HOOK3: variants seen among roughly 807,000 people sequenced by gnomAD.
HOOK3 encodes the protein protein Hook homolog 3.
A neutral mutation model predicts 116.3 loss-of-function variants in HOOK3; 24 were observed. The ratio of observed to expected loss-of-function variants is 0.21; its 90% CI spans 0.15 to 0.29. HOOK3 has a LOEUF of 0.29. HOOK3 is among the 10% of genes least tolerant of loss of function. The pLI, the probability that HOOK3 is intolerant of heterozygous loss-of-function variation, is 1.00. For missense variants in HOOK3, 632 were observed against 830.2 expected, an observed-to-expected ratio of 0.76 and a Z score of 2.93; for synonymous variants, 275 against 283.0, an observed-to-expected ratio of 0.97 and a Z score of 0.28.
chr8:42,940,147 G>A (rs1291596116), intron 4 of HOOK3, among the ~76,000 whole-genome samples: 1 of 152,258 alleles, frequency 6.6e-6, no homozygotes, highest in Non-Finnish European at 1.5e-5. Flanking sequence ...GGAGGTGGAG[G>A]CTGCAGCGAG....
At chr8:42,969,703 T>C (rs1343413826) in intron 11 of HOOK3, among the ~76,000 whole-genome samples, 1 of 152,212 alleles carries the variant, frequency 6.6e-6, no homozygotes, top group East Asian at 1.9e-4. Context: ...GGGTATAAAA[T>C]GGTGTCTCCT....
chr8:42,967,948 A>C, intron 10 of HOOK3, 65 bp from the exon 11 acceptor site: 1 of 896,728 alleles, frequency 1.1e-6, no homozygotes, highest in Non-Finnish European at 1.8e-6. Flanking sequence ...ATCCTTCTTA[A>C]CACTGAAACA....
chr8:43,007,015 G>GTTTT (rs1809504346), intron 17 of HOOK3, among the ~76,000 whole-genome samples: 1 of 124,612 alleles, frequency 8.0e-6, no homozygotes, highest in African/African-American at 3.2e-5. Flanking sequence ...TAAGTTCCTA[G>GTTTT]ATTTTTTTTT....
chr8:42,919,032 T>G (rs1586590466), intron 2 of HOOK3, among the ~76,000 whole-genome samples: 1 of 133,742 alleles, frequency 7.5e-6, no homozygotes, highest in Non-Finnish European at 1.6e-5. Flanking sequence ...ATGGGGTGGC[T>G]GGCCGGGCGG....
chr8:42,960,509 A>G (rs1808515646), intron 8 of HOOK3, among the ~76,000 whole-genome samples: 1 of 152,236 alleles, frequency 6.6e-6, no homozygotes, highest in African/African-American at 2.4e-5. Context: ...GAATTCCTAC[A>G]GAGAAACACT....
At chr8:42,961,195 T>G (rs778254189) in intron 8 of HOOK3, among the ~76,000 whole-genome samples, 4 of 152,166 alleles carry the variant, frequency 2.6e-5, no homozygotes, top group Non-Finnish European at 4.4e-5. Context: ...CCTCCAACAT[T>G]TGGGACTACA....
chr8:42,963,216 G>A (rs1412363943), intron 8 of HOOK3, among the ~76,000 whole-genome samples: 2 of 152,072 alleles, frequency 1.3e-5, no homozygotes, highest in Admixed American at 6.6e-5. Flanking sequence ...TATGAAATTC[G>A]GGATATTTTT....
Position 42,966,633 on chromosome 8 carries a change from C to G in HOOK3, c.920+20C>G. ...GCTGAGGTAAAAACCTCACCTTCAC[C>G]GCCCAGCACAGTTTGGCTCTGGTGT... On this transcript the variant is annotated intron_variant, in intron 10 of 21. Transcript: ENST00000307602. 6.2e-6 allele frequency: 10 copies of G among 1,611,024 alleles called. No individual in the cohort carries two copies. The highest frequency in any genetic ancestry group is 8.5e-6 in the Non-Finnish European group (10 of 1,177,702).
At chr8:42,997,301 G>A (rs41411348) in intron 15 of HOOK3, among the ~76,000 whole-genome samples, 5,107 of 152,212 alleles carry the variant, frequency 0.034, 291 homozygotes, top group African/African-American at 0.12. Flanking sequence ...ATATGCATAA[G>A]TACATTGGTT....
intron 2 of HOOK3, among the ~76,000 whole-genome samples, chr8:42,916,312 T>G (rs1807532671): frequency 6.6e-6 from 1 of 152,246 alleles, no homozygotes; most frequent in African/African-American, 2.4e-5. Flanking sequence ...TTTTTTTGGC[T>G]TTTTGTTTTC....
intron 13 of HOOK3, among the ~76,000 whole-genome samples, chr8:42,977,457 G>A (rs953605816): frequency 1.1e-4 from 17 of 152,114 alleles, no homozygotes; most frequent in Non-Finnish European, 2.2e-4. Context: ...ATTTAGGTGG[G>A]CTGATGATTC....
At chr8:42,997,169 A>G (rs1181276471) in intron 15 of HOOK3, among the ~76,000 whole-genome samples, 2 of 152,168 alleles carry the variant, frequency 1.3e-5, no homozygotes, top group Non-Finnish European at 2.9e-5. Flanking sequence ...TGGCCTCCCA[A>G]AGTGCTGGCA....
At chr8:42,939,063 CAGA>C (rs1194500358) in intron 4 of HOOK3, among the ~76,000 whole-genome samples, 1 of 152,190 alleles carries the variant, frequency 6.6e-6, no homozygotes, top group East Asian at 1.9e-4. Flanking sequence ...GATCCCAAGG[CAGA>C]AGAATTTTTC....
intron 15 of HOOK3, among the ~76,000 whole-genome samples, chr8:42,988,837 T>A (rs1318110207): frequency 6.6e-6 from 1 of 152,214 alleles, no homozygotes; most frequent in Admixed American, 6.5e-5. Context: ...CAATATTTAT[T>A]CCTTTTCCTG....
chr8:42,959,718 GAA>G (rs529721762), intron 8 of HOOK3, among the ~76,000 whole-genome samples: 1,381 of 28,730 alleles, frequency 0.048, 3 homozygotes, highest in Middle Eastern at 0.075. Flanking sequence ...GACTACATCT[GAA>G]AAAAAAAAAA....
In HOOK3 at chr8:43,025,943, A is replaced by G. The variant is rs1809926442; in HGVS notation, c.*7445A>G. ...AAATCAGAGGTGTCCACGGCCTCAA[A>G]GTTTGGGCCCATGGGACTATCAAAT... On this transcript the variant is annotated 3_prime_UTR_variant, in exon 22 of 22. Coordinates refer to ENST00000307602, the MANE Select transcript of HOOK3 (RefSeq NM_032410.4). 9.6e-6 allele frequency: 2 copies of G among 208,546 alleles called. No homozygotes were observed. Among genetic ancestry groups the G allele is most frequent in the East Asian group, 1.5e-4 (2 of 13,722 alleles). 12.9% of individuals were successfully genotyped at this position (208,546 alleles called of 1,614,324 possible).
Position 43,018,521 on chromosome 8 carries a change from A to T in HOOK3, c.*23A>T. 6.3e-7 allele frequency: 1 copy of T among 1,595,646 alleles called. No individual in the cohort carries two copies. The highest frequency in any genetic ancestry group is 8.5e-7 in the Non-Finnish European group (1 of 1,173,074). ...TAGAGAAGTTGTGCCGCTCAATCAC[A>T]GACACCTGCACCCACAACATACTTC... On this transcript the variant is annotated 3_prime_UTR_variant, in exon 22 of 22. Transcript: ENST00000307602.
chr8:42,945,023 C>A (rs1005204748), intron 5 of HOOK3, among the ~76,000 whole-genome samples: 5 of 152,140 alleles, frequency 3.3e-5, no homozygotes, highest in Admixed American at 3.3e-4. Flanking sequence ...AGATTAAGAG[C>A]ATGAGCTGCA....
intron 2 of HOOK3, among the ~76,000 whole-genome samples, chr8:42,911,131 A>G (rs1404000848): frequency 6.6e-6 from 1 of 152,224 alleles, no homozygotes; most frequent in African/African-American, 2.4e-5. Context: ...ATGGAGCCAG[A>G]CCATGCAGAG....
Sources: allele counts gnomAD v4.1 joint callset (sites outside exome capture counted in the v4.1 genomes callset), GRCh38; gene constraint gnomAD v4.1.1; transcripts MANE v1.5; gene names NCBI Gene and HGNC (gene_info 2026-07-23, HGNC 2026-07-21).